AMPH: variants seen among roughly 807,000 people sequenced by gnomAD.
The protein encoded by AMPH is amphiphysin (Stiff-Mann syndrome with breast cancer 128kD autoantigen).
A neutral mutation model predicts 99.1 loss-of-function variants in AMPH; 49 were observed. The ratio of observed to expected loss-of-function variants is 0.49; its 90% confidence interval spans 0.39 to 0.63. The LOEUF (loss-of-function observed/expected upper bound fraction) is 0.63, where lower values mean the gene tolerates loss of function less well. Ranked by LOEUF, AMPH falls within the 20% of genes least tolerant of loss-of-function variation. The pLI is 0.00. For missense variants in AMPH, 759 were observed against 863.4 expected, an observed-to-expected ratio of 0.88 and a Z score of 1.52; for synonymous variants, 314 against 317.3, an observed-to-expected ratio of 0.99 and a Z score of 0.11.
At chr7:38,614,097 T>C (rs1793781863) in intron 1 of AMPH, among the ~76,000 whole-genome samples, 1 of 152,172 alleles carries the variant, frequency 6.6e-6, no homozygotes, top group Non-Finnish European at 1.5e-5. Flanking sequence ...CTAGAAGTTT[T>C]CTATGCACCT....
intron 11 of AMPH, among the ~76,000 whole-genome samples, chr7:38,437,084 A>G (rs1487275869): frequency 6.6e-6 from 1 of 152,248 alleles, no homozygotes; most frequent in East Asian, 1.9e-4. Context: ...GGTAAGCCAA[A>G]TAAGACACAG....
At chr7:38,518,994 T>G (rs575190344) in intron 2 of AMPH, among the ~76,000 whole-genome samples, 12 of 152,338 alleles carry the variant, frequency 7.9e-5, no homozygotes, top group African/African-American at 2.9e-4. Context: ...AATGGATTAA[T>G]GCCATTATCA....
intron 2 of AMPH, among the ~76,000 whole-genome samples, chr7:38,521,666 G>T (rs771390620): frequency 1.3e-5 from 2 of 152,108 alleles, no homozygotes; most frequent in South Asian, 4.2e-4. Context: ...TTCATTAAAG[G>T]AAAGGAAATA....
chr7:38,630,394 G>A (rs1010495226), intron 1 of AMPH, among the ~76,000 whole-genome samples: 2 of 152,266 alleles, frequency 1.3e-5, no homozygotes, highest in African/African-American at 2.4e-5. Flanking sequence ...ACCTGCTTTG[G>A]GCTGTGCTTG....
intron 1 of AMPH, among the ~76,000 whole-genome samples, chr7:38,569,524 C>T (rs779013064): frequency 1.1e-4 from 16 of 150,036 alleles, no homozygotes; most frequent in Admixed American, 2.0e-4. Flanking sequence ...ATAGTAGAAC[C>T]GAAACAGAAA....
intron 2 of AMPH, among the ~76,000 whole-genome samples, chr7:38,516,997 G>A (rs1160753316): frequency 6.6e-6 from 1 of 152,168 alleles, no homozygotes; most frequent in Admixed American, 6.5e-5. Context: ...CCCAATGCCT[G>A]TATCTCTATT....
At chr7:38,409,118 T>C (rs1785141925) in intron 17 of AMPH, among the ~76,000 whole-genome samples, 1 of 152,196 alleles carries the variant, frequency 6.6e-6, no homozygotes, top group South Asian at 2.1e-4. Context: ...TCCACTAATT[T>C]GCTATGGAGC....
At chr7:38,591,672 C>A (rs1018239618) in intron 1 of AMPH, among the ~76,000 whole-genome samples, 1 of 152,136 alleles carries the variant, frequency 6.6e-6, no homozygotes, top group Admixed American at 6.6e-5. Context: ...TCCCCCAAAC[C>A]TTATCATCCC....
At chr7:38,387,066 G>A (rs1244795875) in intron 20 of AMPH, among the ~76,000 whole-genome samples, 1 of 152,018 alleles carries the variant, frequency 6.6e-6, no homozygotes, top group East Asian at 1.9e-4. Context: ...ATGCATAAAG[G>A]GTACAGACCC....
chr7:38,418,082 G>A, intron 16 of AMPH, 132 bp from the exon 17 acceptor site: 1 of 1,040,664 alleles, frequency 9.6e-7, no homozygotes, highest in Non-Finnish European at 1.4e-6. Context: ...CCGTGCTGGA[G>A]AAAAGCCCCC....
intron 7 of AMPH, among the ~76,000 whole-genome samples, chr7:38,468,824 G>T (rs1207615217): frequency 1.3e-5 from 2 of 152,158 alleles, no homozygotes; most frequent in Admixed American, 1.3e-4. Flanking sequence ...ATTCCGATGT[G>T]ACCCTGGCTT....
At chr7:38,391,094 C>CT (rs370698123) in intron 19 of AMPH, among the ~76,000 whole-genome samples, 7 of 151,258 alleles carry the variant, frequency 4.6e-5, no homozygotes, top group African/African-American at 1.7e-4. Context: ...CTTAAAATTC[C>CT]TTTTCAGATT....
At chr7:38,510,686 G>C (rs7789008) in intron 2 of AMPH, among the ~76,000 whole-genome samples, 77,835 of 151,974 alleles carry the variant, frequency 0.51, 20,482 homozygotes, top group Middle Eastern at 0.63. Context: ...TATTTTAGCC[G>C]TATGATCCGC....
intron 17 of AMPH, among the ~76,000 whole-genome samples, chr7:38,409,064 C>T (rs1309431074): frequency 6.6e-6 from 1 of 152,226 alleles, no homozygotes; most frequent in Non-Finnish European, 1.5e-5. Flanking sequence ...AAAGTAGAAG[C>T]AGCACTAGAG....
intron 1 of AMPH, among the ~76,000 whole-genome samples, chr7:38,602,602 G>C (rs1287069318): frequency 2.6e-5 from 4 of 152,100 alleles, no homozygotes; most frequent in Admixed American, 2.6e-4. Flanking sequence ...GTTACAGTGA[G>C]CCTACCCCAG....
At chr7:38,620,772 G>A (rs181421973) in intron 1 of AMPH, among the ~76,000 whole-genome samples, 2 of 152,178 alleles carry the variant, frequency 1.3e-5, no homozygotes, top group East Asian at 3.9e-4. Flanking sequence ...AAGCATACTG[G>A]GTTGGAGTTT....
At chr7:38,441,562 A>G (rs997548295) in intron 11 of AMPH, among the ~76,000 whole-genome samples, 5 of 151,870 alleles carry the variant, frequency 3.3e-5, no homozygotes, top group Non-Finnish European at 5.9e-5. Context: ...ACAAATAAAC[A>G]CAATGGAACC....
At chr7:38,407,021 C>CTCTCTCTCT (rs1785032263) in intron 17 of AMPH, among the ~76,000 whole-genome samples, 1 of 3,712 alleles carries the variant, frequency 2.7e-4, no homozygotes, top group Non-Finnish European at 5.5e-4. Context: ...CTAATAGACT[C>CTCTCTCTCT]CTCTCTCTCT....
At chr7:38,535,199 C>T (rs1394348388) in intron 1 of AMPH, among the ~76,000 whole-genome samples, 188 bp from the exon 2 acceptor site, 1 of 151,426 alleles carries the variant, frequency 6.6e-6, no homozygotes, top group East Asian at 1.9e-4. Context: ...AAAAAAAAAA[C>T]TGAATCCCAG....
Sources: gnomAD v4.1 joint callset for allele counts (sites outside exome capture counted in the v4.1 genomes callset) on GRCh38, gnomAD v4.1.1 for gene constraint, MANE v1.5 for transcripts, NCBI Gene and HGNC (gene_info 2026-07-23, HGNC 2026-07-21) for gene names.